The following WDPCP variants were observed in gnomAD, a reference collection of about 807,000 sequenced individuals.
WDPCP encodes WD repeat-containing and planar cell polarity effector protein fritz homolog.
Under a neutral mutation model 93.1 loss-of-function variants are expected in WDPCP, and 71 were observed. That is an observed-to-expected ratio of 0.76 (90% CI 0.63 to 0.93). WDPCP has a LOEUF of 0.93. WDPCP is among the 40% of genes least tolerant of loss of function. The pLI, the probability that WDPCP is intolerant of heterozygous loss-of-function variation, is 0.00. For synonymous variants in WDPCP, 315 were observed against 315.0 expected (o/e 1.00, Z 0.00); for missense variants, 844 against 887.4 (o/e 0.95, Z 0.62).
chr2:63,337,236 C>T (rs1354670398), intron 12 of WDPCP, among the ~76,000 whole-genome samples: 1 of 152,106 alleles, frequency 6.6e-6, no homozygotes, highest in Non-Finnish European at 1.5e-5. Context: ...TGAGAACATG[C>T]AGTATTTGTC....
chr2:63,687,157 C>A (rs1668816932), intron 2 of WDPCP, among the ~76,000 whole-genome samples: 1 of 152,126 alleles, frequency 6.6e-6, no homozygotes, highest in African/African-American at 2.4e-5. Context: ...CCATCTTGGG[C>A]TGCATGCAGC....
At chr2:63,652,123 G>T (rs1213224371) in intron 2 of WDPCP, among the ~76,000 whole-genome samples, 1 of 152,332 alleles carries the variant, frequency 6.6e-6, no homozygotes, top group African/African-American at 2.4e-5. Context: ...GGCCCTGATG[G>T]TTCCACACAT....
intron 3 of WDPCP, chr2:63,597,247 T>C: frequency 8.2e-7 from 1 of 1,221,626 alleles, no homozygotes. Context: ...TAAATTAATA[T>C]ATTATCTTTC....
intron 14 of WDPCP, chr2:63,229,998 C>G (rs1269989769): frequency 6.6e-6 from 1 of 151,838 alleles, no homozygotes; most frequent in Non-Finnish European, 1.5e-5. Context: ...AGGTTTGTTA[C>G]ACATGTATAC....
chr2:63,709,447 T>C (rs1475286929), intron 2 of WDPCP, among the ~76,000 whole-genome samples: 1 of 152,180 alleles, frequency 6.6e-6, no homozygotes, highest in Non-Finnish European at 1.5e-5. Context: ...ACATTTCATA[T>C]CTAGTCATGG....
rs376869900 is a variant in WDPCP at position 63,362,073 on chromosome 2, T to A, written c.1748+16313A>T. On this transcript the variant is annotated intron_variant, in intron 12 of 17. Coordinates refer to ENST00000272321, the MANE Select transcript of WDPCP (RefSeq NM_015910.7). ...ATTTATCTTTTCTTTGTGTTGGGAATGTTTCACTTCTCTTCTAGCTATTAA... is the reference window on the plus strand; with the variant it reads ...ATTTATCTTTTCTTTGTGTTGGGAAAGTTTCACTTCTCTTCTAGCTATTAA... 4.6e-5 allele frequency among the ~76,000 whole-genome samples: 7 copies of A among 152,164 alleles called. No individual in the cohort carries two copies. In the East Asian group the frequency reaches 1.3e-3, roughly 29 times the overall value.
intron 13 of WDPCP, among the ~76,000 whole-genome samples, chr2:63,287,677 C>T (rs1684111721): frequency 6.6e-6 from 1 of 152,320 alleles, no homozygotes; most frequent in Non-Finnish European, 1.5e-5. Flanking sequence ...TTTTAAAACA[C>T]ACATGCATAC....
chr2:63,407,651 A>C (rs1694692250), intron 9 of WDPCP, among the ~76,000 whole-genome samples: 1 of 152,198 alleles, frequency 6.6e-6, no homozygotes, highest in African/African-American at 2.4e-5. Context: ...CTACACCAAA[A>C]GTATCCTCAT....
At position 63,448,878 on chromosome 2, in the gene WDPCP, C is replaced by G. The variant is rs556875193; in HGVS notation, c.385-9007G>C. 6.6e-5 allele frequency among the ~76,000 whole-genome samples: 10 copies of G among 152,170 alleles called. No individual in the cohort carries two copies. The East Asian group carries it at 1.5e-3, about 23-fold the overall frequency. On this transcript the variant is annotated intron_variant, in intron 6 of 17. Coordinates refer to ENST00000272321, the MANE Select transcript of WDPCP (RefSeq NM_015910.7). ...TAGGGGTAGGGGAAATGGGGAGATA[C>G]TGGTCAAAAGGTACAAAGTTTTTGT...
chr2:63,358,931 A>G (rs1006541103), intron 12 of WDPCP, among the ~76,000 whole-genome samples: 4 of 152,182 alleles, frequency 2.6e-5, no homozygotes, highest in African/African-American at 9.7e-5. Flanking sequence ...CCCTGACAAA[A>G]GCCCTTGTTC....
intron 13 of WDPCP, among the ~76,000 whole-genome samples, chr2:63,270,173 T>A (rs6708565): frequency 0.02 from 3,085 of 152,304 alleles, 55 homozygotes; most frequent in Non-Finnish European, 0.033. Flanking sequence ...ACAGTCTTTC[T>A]TGTATTAGGT....
At chr2:63,336,369 C>G (rs1234309476) in intron 12 of WDPCP, among the ~76,000 whole-genome samples, 1 of 152,096 alleles carries the variant, frequency 6.6e-6, no homozygotes, top group East Asian at 1.9e-4. Flanking sequence ...CCTAATTGCT[C>G]TGACTAGCAG....
chr2:63,659,174 T>A (rs1417312241), intron 2 of WDPCP, among the ~76,000 whole-genome samples: 1 of 151,924 alleles, frequency 6.6e-6, no homozygotes, highest in Non-Finnish European at 1.5e-5. Context: ...GCTAAAAGAG[T>A]TAAGTGAGCT....
chr2:63,333,523 C>G (rs1280383984), intron 12 of WDPCP, among the ~76,000 whole-genome samples: 1 of 152,180 alleles, frequency 6.6e-6, no homozygotes, highest in African/African-American at 2.4e-5. Context: ...AGAGCTTCCG[C>G]TACACAATAA....
chr2:63,247,766 A>G (rs1366253625), intron 14 of WDPCP, among the ~76,000 whole-genome samples: 1 of 151,320 alleles, frequency 6.6e-6, no homozygotes, highest in Non-Finnish European at 1.5e-5. Flanking sequence ...ACCCGTAATT[A>G]CTGAGAGAAG....
chr2:63,527,747 G>T (rs924938281), intron 1 of WDPCP, among the ~76,000 whole-genome samples: 1 of 151,824 alleles, frequency 6.6e-6, no homozygotes, highest in African/African-American at 2.4e-5. Flanking sequence ...TAATGGGATG[G>T]CTGGGTCAAA....
At chr2:63,334,148 G>C (rs1344838164) in intron 12 of WDPCP, among the ~76,000 whole-genome samples, 2 of 152,180 alleles carry the variant, frequency 1.3e-5, no homozygotes, top group African/African-American at 4.8e-5. Context: ...TTTAATCCAT[G>C]AACATGGGGT....
At chr2:63,355,175 A>T (rs373390339) in intron 12 of WDPCP, among the ~76,000 whole-genome samples, 1 of 152,178 alleles carries the variant, frequency 6.6e-6, no homozygotes, top group Non-Finnish European at 1.5e-5. Flanking sequence ...AAGGAAAAAA[A>T]TGTTAAAGAC....
chr2:63,365,670 T>G (rs1007201096), intron 12 of WDPCP, among the ~76,000 whole-genome samples: 72 of 152,214 alleles, frequency 4.7e-4, no homozygotes, highest in African/African-American at 1.7e-3. Flanking sequence ...CAGCCCAAAG[T>G]AAGAGAAAAT....
Sources: allele counts gnomAD v4.1 joint callset (sites outside exome capture counted in the v4.1 genomes callset), GRCh38; gene constraint gnomAD v4.1.1; transcripts MANE v1.5; gene names NCBI Gene and HGNC (gene_info 2026-07-23, HGNC 2026-07-21).